SCFD2: variants seen among roughly 807,000 people sequenced by gnomAD.
The protein encoded by SCFD2 is sec1 family domain containing 2.
In SCFD2, 54 loss-of-function variants were observed where a neutral mutation model predicts 58.9. That is an observed-to-expected ratio of 0.92 (90% CI 0.74 to 1.15). SCFD2 has a LOEUF of 1.15. Ranked by LOEUF, SCFD2 falls within the 50% of genes most tolerant of loss-of-function variation. The pLI, the probability that SCFD2 is intolerant of heterozygous loss-of-function variation, is 0.00. For missense variants in SCFD2, 805 were observed against 836.6 expected, an observed-to-expected ratio of 0.96 and a Z score of 0.47; for synonymous variants, 321 against 335.9, an observed-to-expected ratio of 0.96 and a Z score of 0.49.
intron 3 of SCFD2, among the ~76,000 whole-genome samples, chr4:53,310,862 C>A (rs1732668859): frequency 6.6e-6 from 1 of 152,082 alleles, no homozygotes; most frequent in Non-Finnish European, 1.5e-5. Context: ...AATTTAAATA[C>A]AAGGGAATCG....
At chr4:53,209,813 T>G (rs1728549022) in intron 4 of SCFD2, among the ~76,000 whole-genome samples, 1 of 152,092 alleles carries the variant, frequency 6.6e-6, no homozygotes, top group African/African-American at 2.4e-5. Flanking sequence ...ATGATGCATT[T>G]TGAGTGTGAT....
intron 5 of SCFD2, among the ~76,000 whole-genome samples, chr4:52,940,743 C>CTTTG (rs750597986): frequency 6.6e-6 from 1 of 152,104 alleles, no homozygotes; most frequent in Non-Finnish European, 1.5e-5. Context: ...AAAGGGACTT[C>CTTTG]TTGTTGTAGG....
chr4:53,347,460 A>G (rs554599676), intron 2 of SCFD2, among the ~76,000 whole-genome samples: 1 of 152,308 alleles, frequency 6.6e-6, no homozygotes. Flanking sequence ...GCTCTCTAGT[A>G]GAGGAAGAAA....
intron 5 of SCFD2, among the ~76,000 whole-genome samples, chr4:53,108,709 A>G (rs779725973): frequency 6.6e-6 from 1 of 152,230 alleles, no homozygotes. Context: ...AAGTTCTGAA[A>G]TTGAGGCAGT....
chr4:53,037,670 T>C (rs1182122798), intron 5 of SCFD2, among the ~76,000 whole-genome samples: 2 of 152,160 alleles, frequency 1.3e-5, no homozygotes, highest in Non-Finnish European at 2.9e-5. Context: ...GGCCAACCAA[T>C]ATGACACAAA....
intron 5 of SCFD2, among the ~76,000 whole-genome samples, chr4:52,985,268 AAC>A (rs1206324782): frequency 6.6e-6 from 1 of 152,206 alleles, no homozygotes; most frequent in Non-Finnish European, 1.5e-5. Flanking sequence ...TGTTAGTGAA[AAC>A]ACAGAAACAG....
At chr4:53,361,266 G>A (rs1488273432) in intron 1 of SCFD2, among the ~76,000 whole-genome samples, 1 of 152,192 alleles carries the variant, frequency 6.6e-6, no homozygotes, top group Non-Finnish European at 1.5e-5. Context: ...ATCACATCTG[G>A]CTAACTAACT....
At chr4:53,213,099 A>G (rs530867084) in intron 4 of SCFD2, among the ~76,000 whole-genome samples, 1 of 152,266 alleles carries the variant, frequency 6.6e-6, no homozygotes, top group Non-Finnish European at 1.5e-5. Flanking sequence ...AATTTCTAGC[A>G]ATGATAATCA....
intron 5 of SCFD2, among the ~76,000 whole-genome samples, chr4:53,084,937 A>G (rs1724261973): frequency 6.6e-6 from 1 of 152,254 alleles, no homozygotes; most frequent in Non-Finnish European, 1.5e-5. Flanking sequence ...ATCATGCTGA[A>G]TGGTGAAAAA....
At chr4:53,076,328 A>G (rs1723973116) in intron 5 of SCFD2, among the ~76,000 whole-genome samples, 1 of 152,180 alleles carries the variant, frequency 6.6e-6, no homozygotes, top group Admixed American at 6.6e-5. Flanking sequence ...CTACAGCATC[A>G]AGGTTGATGA....
chr4:53,157,022 G>A (rs913689816), intron 4 of SCFD2, among the ~76,000 whole-genome samples: 31 of 152,172 alleles, frequency 2.0e-4, no homozygotes, highest in East Asian at 7.7e-4. Context: ...GAAAACAACC[G>A]ATATACTTAC....
chr4:53,228,484 T>G (rs1244960739), intron 4 of SCFD2, among the ~76,000 whole-genome samples: 1 of 152,144 alleles, frequency 6.6e-6, no homozygotes, highest in Non-Finnish European at 1.5e-5. Context: ...TTTTATGAGT[T>G]TGATGAAGAT....
intron 4 of SCFD2, among the ~76,000 whole-genome samples, chr4:53,177,888 CAG>C (rs146329941): frequency 0.014 from 2,105 of 152,332 alleles, 46 homozygotes; most frequent in African/African-American, 0.048. Flanking sequence ...CCTACGCCCA[CAG>C]AGTCTCACTC....
intron 5 of SCFD2, among the ~76,000 whole-genome samples, chr4:53,033,088 T>G (rs1326033696): frequency 6.6e-6 from 1 of 151,980 alleles, no homozygotes; most frequent in Non-Finnish European, 1.5e-5. Context: ...CCTCAGGAAA[T>G]GCAAAAGAAT....
rs369867280 is a variant in SCFD2, at chr4:53,331,228, G to C, written c.1008-17465C>G. On this transcript the variant is annotated intron_variant, in intron 2 of 8. Coordinates refer to ENST00000401642, the MANE Select transcript of SCFD2 (RefSeq NM_152540.4). ...CAAGGATACCCAGGAATTGAACTCA[G>C]CTCTGCACCAAGCGGACCTAATAGA... 1.8e-4 allele frequency among the ~76,000 whole-genome samples: 27 copies of C among 151,440 alleles called. 1 individual carries two copies. In the South Asian group the frequency reaches 2.3e-3, roughly 13 times the overall value.
At chr4:52,923,898 T>C (rs1026716608) in intron 5 of SCFD2, among the ~76,000 whole-genome samples, 14 of 152,346 alleles carry the variant, frequency 9.2e-5, no homozygotes, top group African/African-American at 3.1e-4. Flanking sequence ...ACTCAACATG[T>C]GGCTTCTTTC....
intron 4 of SCFD2, among the ~76,000 whole-genome samples, chr4:53,181,951 T>G (rs563908852): frequency 6.6e-6 from 1 of 152,288 alleles, no homozygotes; most frequent in East Asian, 1.9e-4. Context: ...ACAAGGGATG[T>G]GAAGGACCTC....
intron 5 of SCFD2, among the ~76,000 whole-genome samples, chr4:53,042,344 T>C (rs1722921297): frequency 1.3e-5 from 2 of 152,112 alleles, no homozygotes; most frequent in African/African-American, 4.8e-5. Context: ...TGTGTATATA[T>C]ATATATATAT....
At chr4:53,236,264 T>A (rs779186419) in intron 4 of SCFD2, among the ~76,000 whole-genome samples, 3 of 152,118 alleles carry the variant, frequency 2.0e-5, no homozygotes, top group Non-Finnish European at 4.4e-5. Context: ...AACATCGAAC[T>A]CTCAAGTTCT....
Sources: gnomAD v4.1 joint callset for allele counts (sites outside exome capture counted in the v4.1 genomes callset) on GRCh38, gnomAD v4.1.1 for gene constraint, MANE v1.5 for transcripts, NCBI Gene and HGNC (gene_info 2026-07-23, HGNC 2026-07-21) for gene names.